Variants in CDK14 observed in about 807,000 individuals in gnomAD.
The protein encoded by CDK14 is cyclin-dependent kinase 14.
In CDK14, 34 loss-of-function variants were observed where a neutral mutation model predicts 60.7. The ratio of observed to expected loss-of-function variants is 0.56; its 90% CI spans 0.43 to 0.75. The LOEUF (loss-of-function observed/expected upper bound fraction) is 0.75, where lower values mean the gene tolerates loss of function less well. Among genes scored for constraint, CDK14 ranks in the 30% least tolerant of loss-of-function variants. CDK14 has a pLI of 0.00. For missense variants in CDK14, 482 were observed against 564.1 expected (o/e 0.85, Z 1.47); for synonymous variants, 197 against 203.7 (o/e 0.97, Z 0.28).
chr7:90,984,034 G>A (rs1795312497), intron 9 of CDK14, 114 bp from the exon 10 acceptor site: 10 of 718,514 alleles, frequency 1.4e-5, no homozygotes, highest in Non-Finnish European at 2.5e-5. Flanking sequence ...GGGGAAAAAG[G>A]AAACAGTTTA....
chr7:91,124,303 A>G (rs945612255), intron 14 of CDK14, among the ~76,000 whole-genome samples: 13 of 152,258 alleles, frequency 8.5e-5, no homozygotes, highest in Admixed American at 7.2e-4. Context: ...ACATTTTACT[A>G]CATTAGCTAC....
chr7:90,957,932 G>A (rs577751931), intron 9 of CDK14, among the ~76,000 whole-genome samples: 116 of 152,120 alleles, frequency 7.6e-4, no homozygotes, highest in African/African-American at 2.3e-3. Flanking sequence ...TGGAGGCATC[G>A]CACATGGCTG....
chr7:90,938,453 T>A (rs1201266505), intron 8 of CDK14, among the ~76,000 whole-genome samples: 2 of 152,228 alleles, frequency 1.3e-5, no homozygotes, highest in African/African-American at 4.8e-5. Flanking sequence ...AATGTTATAT[T>A]GTTTTTATTA....
intron 1 of CDK14, among the ~76,000 whole-genome samples, 159 bp downstream of exon 1, chr7:90,596,877 C>T (rs1363357942): frequency 6.6e-6 from 1 of 152,098 alleles, no homozygotes; most frequent in Non-Finnish European, 1.5e-5. Flanking sequence ...CGGGGGAGGG[C>T]AAGGACGTAA....
intron 11 of CDK14, among the ~76,000 whole-genome samples, chr7:91,048,985 C>T (rs1027211202): frequency 6.6e-6 from 1 of 152,056 alleles, no homozygotes; most frequent in Non-Finnish European, 1.5e-5. Context: ...AGTGATCCTC[C>T]CTGCTCAGCC....
At chr7:90,628,040 G>T (rs560827628) in intron 2 of CDK14, among the ~76,000 whole-genome samples, 40 of 152,212 alleles carry the variant, frequency 2.6e-4, no homozygotes, top group African/African-American at 9.1e-4. Context: ...CTACGGCCTT[G>T]ACCTCCCAGG....
At chr7:91,135,447 C>T (rs973978203) in intron 14 of CDK14, among the ~76,000 whole-genome samples, 4 of 152,130 alleles carry the variant, frequency 2.6e-5, no homozygotes, top group African/African-American at 9.7e-5. Flanking sequence ...GAAGGCTGGT[C>T]TCAGTGTCAG....
intron 9 of CDK14, among the ~76,000 whole-genome samples, chr7:90,966,159 C>T (rs1385350210): frequency 2.0e-5 from 3 of 152,014 alleles, no homozygotes; most frequent in Admixed American, 6.6e-5. Flanking sequence ...ATTGGAACTC[C>T]TTTCTTAATC....
chr7:90,826,422 T>G (rs1789724761), intron 5 of CDK14, among the ~76,000 whole-genome samples: 1 of 152,104 alleles, frequency 6.6e-6, no homozygotes, highest in African/African-American at 2.4e-5. Context: ...TTTCACCACG[T>G]TGTCCAGGCT....
chr7:91,203,402 T>C (rs922195356), intron 14 of CDK14, among the ~76,000 whole-genome samples: 5 of 152,146 alleles, frequency 3.3e-5, no homozygotes, highest in Non-Finnish European at 5.9e-5. Context: ...GACACAGCAG[T>C]CTACAAAATC....
intron 4 of CDK14, among the ~76,000 whole-genome samples, chr7:90,787,830 C>G (rs1584893163): frequency 6.6e-6 from 1 of 152,202 alleles, no homozygotes; most frequent in East Asian, 1.9e-4. Flanking sequence ...ATTCCATGAA[C>G]CTAGGTCTTG....
intron 11 of CDK14, among the ~76,000 whole-genome samples, chr7:91,058,620 T>A (rs1467917634): frequency 6.6e-6 from 1 of 152,268 alleles, no homozygotes; most frequent in Non-Finnish European, 1.5e-5. Context: ...ATGAAGGTTG[T>A]TGAATTTTGT....
At chr7:90,753,573 G>C (rs1803933239) in intron 4 of CDK14, among the ~76,000 whole-genome samples, 1 of 151,978 alleles carries the variant, frequency 6.6e-6, no homozygotes, top group Non-Finnish European at 1.5e-5. Flanking sequence ...TACAGAACTG[G>C]AAAAAGACAA....
intron 10 of CDK14, among the ~76,000 whole-genome samples, chr7:90,994,658 T>G (rs377552672): frequency 6.6e-6 from 1 of 152,228 alleles, no homozygotes; most frequent in Non-Finnish European, 1.5e-5. Flanking sequence ...ATACTCCTTA[T>G]AGCCATTATA....
intron 14 of CDK14, among the ~76,000 whole-genome samples, chr7:91,146,479 G>A (rs578121552): frequency 4.6e-5 from 7 of 152,286 alleles, no homozygotes; most frequent in African/African-American, 1.2e-4. Flanking sequence ...AGGTTCACAG[G>A]CGTGAGCCAC....
intron 12 of CDK14, among the ~76,000 whole-genome samples, chr7:91,091,808 T>TC (rs398095225): frequency 6.8e-6 from 1 of 146,822 alleles, no homozygotes; most frequent in Non-Finnish European, 1.5e-5. Flanking sequence ...AGTTTTTTTT[T>TC]CTCTCTTTCA....
intron 4 of CDK14, among the ~76,000 whole-genome samples, chr7:90,789,313 T>C (rs928921496): frequency 5.9e-5 from 9 of 152,180 alleles, no homozygotes; most frequent in Admixed American, 3.9e-4. Flanking sequence ...ATATAGAGTG[T>C]ACTCTGTATT....
chr7:90,950,930 A>G (rs10487998), intron 8 of CDK14, among the ~76,000 whole-genome samples: 23,655 of 152,254 alleles, frequency 0.16, 2,113 homozygotes, highest in Middle Eastern at 0.27. Context: ...ATACATTATA[A>G]AAGCAGCAAT....
At chr7:91,041,832 C>G (rs908557843) in intron 10 of CDK14, among the ~76,000 whole-genome samples, 3 of 152,188 alleles carry the variant, frequency 2.0e-5, no homozygotes, top group African/African-American at 7.2e-5. Context: ...GCAGTCTAGC[C>G]ACAGTGTTAT....
Sources: allele counts gnomAD v4.1 joint callset (sites outside exome capture counted in the v4.1 genomes callset), GRCh38; gene constraint gnomAD v4.1.1; transcripts MANE v1.5; gene names NCBI Gene and HGNC (gene_info 2026-07-23, HGNC 2026-07-21).